The following PCDHA2 variants were observed in gnomAD, a reference collection of about 807,000 sequenced individuals.
The protein encoded by PCDHA2 is protocadherin alpha-2.
A neutral mutation model predicts 66.0 loss-of-function variants in PCDHA2; 58 were observed. The observed-to-expected ratio is 0.88, with a 90% confidence interval of 0.71 to 1.09. The LOEUF is 1.09. PCDHA2 is among the 50% of genes least tolerant of loss of function. The pLI is 0.00. For synonymous variants in PCDHA2, 634 were observed against 554.0 expected (o/e 1.14, Z -2.03); for missense variants, 1,267 against 1,242.3 (o/e 1.02, Z -0.30).
At chr5:141,001,978 A>G (rs1331599524) in intron 3 of PCDHA2, among the ~76,000 whole-genome samples, 1 of 152,166 alleles carries the variant, frequency 6.6e-6, no homozygotes, top group Non-Finnish European at 1.5e-5. Context: ...TCTGCGCGGA[A>G]AGCCTGGAAG....
chr5:140,968,373 C>T (rs1554230649), intron 1 of PCDHA2: 1 of 1,614,034 alleles, frequency 6.2e-7, no homozygotes, highest in African/African-American at 1.3e-5. Context: ...GCTGTCAACT[C>T]CTTTGACTAT....
rs782282264 is a variant in PCDHA2, at chr5:141,009,955, A to C, written c.*18A>C. The C allele has an allele frequency of 6.3e-7, 1 of 1,592,536 alleles. No homozygotes were observed. The highest frequency in any genetic ancestry group is 2.2e-5 in the East Asian group (1 of 44,734). ...ACCAGTGAGGTCCTCAAATGGAAAC[A>C]AGCCACTTAGCCAGTTTTTGTAATA... is the stretch of plus-strand genomic sequence containing the variant. On this transcript the variant is annotated 3_prime_UTR_variant, in exon 4 of 4. Coordinates refer to ENST00000526136, the MANE Select transcript of PCDHA2 (RefSeq NM_018905.3).
rs1411970319 is a variant in PCDHA2, at chr5:140,927,470, G to A, written c.2389-51479G>A. The A allele has an allele frequency of 4.3e-6, 7 of 1,614,054 alleles. 1 individual carries two copies. The highest frequency in any genetic ancestry group is 3.3e-5 in the South Asian group (3 of 91,088). ...TTGGTGTTGGAGAAAGCACTGGATC[G>A]CGAACAGCGCGCCACCCACCTGCTG... On this transcript the variant is annotated intron_variant, in intron 1 of 3. Transcript: ENST00000526136.
intron 1 of PCDHA2, chr5:140,841,504 G>T (rs2150316836): frequency 1.2e-6 from 2 of 1,613,362 alleles, no homozygotes; most frequent in East Asian, 4.5e-5. Context: ...AGCTGGTGCC[G>T]CGCCTGTTCC....
chr5:140,811,154 C>T (rs1764804628), intron 1 of PCDHA2: 2 of 152,184 alleles, frequency 1.3e-5, no homozygotes, highest in South Asian at 4.1e-4. Context: ...GCTATCCCTC[C>T]CCCAGTCCCC....
chr5:140,858,651 T>A, intron 1 of PCDHA2: 1 of 830,780 alleles, frequency 1.2e-6, no homozygotes, highest in Non-Finnish European at 1.8e-6. Context: ...GTACTTAAAT[T>A]TTTTTAAATA....
chr5:140,829,145 C>T (rs2150162987), intron 1 of PCDHA2: 1 of 1,613,788 alleles, frequency 6.2e-7, no homozygotes, highest in South Asian at 1.1e-5. Flanking sequence ...TGAGATAGCA[C>T]TGACTTCCTT....
chr5:140,938,293 C>G (rs896897734), intron 1 of PCDHA2, among the ~76,000 whole-genome samples: 1 of 152,110 alleles, frequency 6.6e-6, no homozygotes, highest in African/African-American at 2.4e-5. Flanking sequence ...CTGTCATTGC[C>G]TATGAAATTC....
chr5:141,000,419 A>T (rs1394449061), intron 3 of PCDHA2, among the ~76,000 whole-genome samples: 972 of 60,664 alleles, frequency 0.016, 14 homozygotes, highest in African/African-American at 0.023. Flanking sequence ...ATATATATAT[A>T]TATTTTTTTT....
At chr5:140,809,036 GGC>G (rs1764341860) in intron 1 of PCDHA2, 1 of 1,613,732 alleles carries the variant, frequency 6.2e-7, no homozygotes, top group Non-Finnish European at 8.5e-7. Flanking sequence ...GGGGACTGGT[GGC>G]GCGCGCATCC....
intron 3 of PCDHA2, among the ~76,000 whole-genome samples, chr5:141,008,968 T>C (rs1241825350): frequency 6.6e-6 from 1 of 152,256 alleles, no homozygotes; most frequent in Non-Finnish European, 1.5e-5. Flanking sequence ...AATACATTTA[T>C]AGCCAAAGTT....
chr5:140,798,241 A>T (rs1762307453), intron 1 of PCDHA2, among the ~76,000 whole-genome samples: 1 of 152,220 alleles, frequency 6.6e-6, no homozygotes, highest in Non-Finnish European at 1.5e-5. Context: ...TATGTAGCAC[A>T]GGTTGTTACA....
intron 1 of PCDHA2, among the ~76,000 whole-genome samples, chr5:140,951,465 C>G (rs1304466995): frequency 1.3e-5 from 2 of 151,966 alleles, no homozygotes; most frequent in Non-Finnish European, 2.9e-5. Context: ...TGCTTGGCTT[C>G]TGGGGAGCCT....
intron 1 of PCDHA2, among the ~76,000 whole-genome samples, chr5:140,952,614 T>C (rs1381315866): frequency 6.6e-6 from 1 of 152,170 alleles, no homozygotes; most frequent in African/African-American, 2.4e-5. Flanking sequence ...CTCTCCCTCA[T>C]CTTCCCTCCA....
rs2150099116 is a variant in PCDHA2, at chr5:140,817,797, A to G, written c.2388+20445A>G. Among the ~76,000 whole-genome samples, 9 of 152,298 alleles carry G rather than the reference A, an allele frequency of 5.9e-5. No individual in the cohort carries two copies. In the South Asian group the frequency reaches 1.9e-3, roughly 32 times the overall value. ...TTTAGTGTGGCCTGCTGGTAAAGAAACCTTTACGTTTTTATATATCTGGAA... is the reference window on the plus strand; with the variant it reads ...TTTAGTGTGGCCTGCTGGTAAAGAAGCCTTTACGTTTTTATATATCTGGAA... On this transcript the variant is annotated intron_variant, in intron 1 of 3. Transcript: ENST00000526136.
At chr5:140,972,906 C>T (rs1554234702) in intron 1 of PCDHA2, among the ~76,000 whole-genome samples, 1 of 152,048 alleles carries the variant, frequency 6.6e-6, no homozygotes, top group African/African-American at 2.4e-5. Context: ...TTGTGATCCA[C>T]CCGCCTTGGC....
At chr5:140,960,728 A>G (rs200453950) in intron 1 of PCDHA2, among the ~76,000 whole-genome samples, 1 of 30,214 alleles carries the variant, frequency 3.3e-5, no homozygotes, top group African/African-American at 2.6e-4. Flanking sequence ...ATTTTAGTCC[A>G]TGATTTTAGT....
intron 1 of PCDHA2, chr5:140,877,011 G>T: frequency 2.5e-6 from 4 of 1,612,512 alleles, no homozygotes. Flanking sequence ...TGCACGCGGA[G>T]AGCGGCAAGG....
chr5:140,998,393 C>A (rs1178528705), intron 3 of PCDHA2, among the ~76,000 whole-genome samples: 12 of 152,288 alleles, frequency 7.9e-5, no homozygotes, highest in African/African-American at 2.4e-4. Flanking sequence ...TTAATGCCAT[C>A]TTTATGCCAA....
Sources: gnomAD v4.1 joint callset for allele counts (sites outside exome capture counted in the v4.1 genomes callset) on GRCh38, gnomAD v4.1.1 for gene constraint, MANE v1.5 for transcripts, NCBI Gene and HGNC (gene_info 2026-07-23, HGNC 2026-07-21) for gene names.